The following ROBO2 variants were observed in gnomAD, a reference collection of about 807,000 sequenced individuals.
ROBO2 encodes roundabout guidance receptor 2.
ROBO2 carries 53 observed loss-of-function variants against 160.8 expected under a neutral mutation model. The observed-to-expected ratio is 0.33, with a 90% CI of 0.26 to 0.41. ROBO2 has a LOEUF of 0.41. Among genes scored for constraint, ROBO2 ranks in the 10% least tolerant of loss-of-function variants. The pLI is 1.00. For synonymous variants in ROBO2, 664 were observed against 611.7 expected (o/e 1.09, Z -1.26); for missense variants, 1,577 against 1,722.4 (o/e 0.92, Z 1.49).
chr3:76,107,494 A>G (rs1397195445), intron 2 of ROBO2, among the ~76,000 whole-genome samples: 1 of 152,140 alleles, frequency 6.6e-6, no homozygotes, highest in African/African-American at 2.4e-5. Context: ...CCTTTGGACA[A>G]ATTCTCTTTT....
chr3:75,928,489 C>T (rs1947383057), intron 1 of ROBO2, among the ~76,000 whole-genome samples: 1 of 139,686 alleles, frequency 7.2e-6, no homozygotes, highest in Non-Finnish European at 1.6e-5. Context: ...GTATCTTGGC[C>T]AGACCATCAA....
chr3:77,398,620 C>T (rs958567751), intron 2 of ROBO2, among the ~76,000 whole-genome samples: 6 of 152,044 alleles, frequency 3.9e-5, no homozygotes, highest in South Asian at 2.1e-4. Context: ...CTCACTCTCC[C>T]GCCCTGGCTG....
chr3:76,216,385 A>G (rs1160439600), intron 2 of ROBO2, among the ~76,000 whole-genome samples: 3 of 152,186 alleles, frequency 2.0e-5, no homozygotes, highest in Non-Finnish European at 2.9e-5. Context: ...AAGAGTCAAG[A>G]CCCATCAGTG....
intron 2 of ROBO2, among the ~76,000 whole-genome samples, chr3:77,294,592 C>G (rs2061802153): frequency 6.8e-6 from 1 of 147,182 alleles, no homozygotes; most frequent in Non-Finnish European, 1.5e-5. Flanking sequence ...TAAGCTGAGG[C>G]TAGATCATCA....
intron 2 of ROBO2, among the ~76,000 whole-genome samples, chr3:76,044,990 G>C (rs544408618): frequency 3.9e-5 from 6 of 152,122 alleles, no homozygotes; most frequent in Non-Finnish European, 8.8e-5. Context: ...CAGGTGAAAC[G>C]GATGTGAGAG....
At chr3:76,103,334 G>A (rs1052098696) in intron 2 of ROBO2, among the ~76,000 whole-genome samples, 1 of 152,172 alleles carries the variant, frequency 6.6e-6, no homozygotes, top group East Asian at 1.9e-4. Context: ...GAAGATAGGA[G>A]CTGTTTCTTC....
chr3:77,625,155 G>T (rs1324532271), intron 23 of ROBO2, among the ~76,000 whole-genome samples: 1 of 151,832 alleles, frequency 6.6e-6, no homozygotes. Context: ...AGTGGAAAAG[G>T]CTAAAAAAAA....
In ROBO2 at chr3:76,859,413, G is replaced by C. The variant is rs146570056; in HGVS notation, c.110-238601G>C. The stretch of plus-strand genomic sequence containing the variant: ...ATGGCTTGGAGATGCGGGTGCTAAA[G>C]GTTTTCTGTGGTTCTGCTCTGGGCT... On this transcript the variant is annotated intron_variant, in intron 2 of 26. Transcript: ENST00000487694. 3.9e-3 allele frequency among the ~76,000 whole-genome samples: 592 copies of C among 152,220 alleles called. 3 individuals carry two copies. The highest frequency in any genetic ancestry group is 0.012 in the African/African-American group (514 of 41,530).
intron 2 of ROBO2, among the ~76,000 whole-genome samples, chr3:77,005,981 T>G (rs2149439743): frequency 6.6e-6 from 1 of 152,310 alleles, no homozygotes; most frequent in South Asian, 2.1e-4. Context: ...AATAATAACC[T>G]TCTAGTATAA....
chr3:77,049,989 T>A (rs1388382404), intron 1 of ROBO2, among the ~76,000 whole-genome samples: 1 of 152,210 alleles, frequency 6.6e-6, no homozygotes, highest in Non-Finnish European at 1.5e-5. Context: ...AGTTTATAAG[T>A]TTTTATAAAT....
rs142394079 is a variant in ROBO2 at position 76,672,720 on chromosome 3, G to A, written c.110-425294G>A. On this transcript the variant is annotated intron_variant, in intron 2 of 26. Coordinates refer to the ROBO2 transcript ENST00000487694. ...CATTTTATTCTTCAGTCACCAGTGT[G>A]CCCATCTCCGTGGCCATGAACAGTA... 2.4e-3 allele frequency among the ~76,000 whole-genome samples: 360 copies of A among 152,208 alleles called. 2 individuals carry two copies. Among genetic ancestry groups the A allele is most frequent in the Middle Eastern group, 6.8e-3 (2 of 294 alleles).
chr3:77,643,098 G>T (rs2095371387), intron 24 of ROBO2, among the ~76,000 whole-genome samples, 155 bp downstream of exon 26: 1 of 152,194 alleles, frequency 6.6e-6, no homozygotes, highest in South Asian at 2.1e-4. Flanking sequence ...ACCAGTACAT[G>T]CCTTAAGGCT....
At chr3:75,937,401 G>C (rs1267962267) in intron 1 of ROBO2, 12 of 653,800 alleles carry the variant, frequency 1.8e-5, no homozygotes, top group Non-Finnish European at 2.6e-5. Flanking sequence ...ATGCATATTA[G>C]ATATGGGATT....
intron 4 of ROBO2, among the ~76,000 whole-genome samples, chr3:77,484,694 C>A (rs1035398388): frequency 1.3e-5 from 2 of 151,960 alleles, no homozygotes; most frequent in Non-Finnish European, 2.9e-5. Flanking sequence ...ATTTGGCCCA[C>A]TTATAGCTCC....
At chr3:76,279,253 T>C (rs1708103238) in intron 2 of ROBO2, among the ~76,000 whole-genome samples, 1 of 151,688 alleles carries the variant, frequency 6.6e-6, no homozygotes, top group African/African-American at 2.4e-5. Flanking sequence ...AGATAAACTT[T>C]AGGTAAGATT....
intron 2 of ROBO2, among the ~76,000 whole-genome samples, chr3:77,302,272 G>C (rs1261606585): frequency 2.6e-5 from 4 of 151,902 alleles, no homozygotes; most frequent in Non-Finnish European, 5.9e-5. Context: ...TAAAAAAAAA[G>C]ATATTAATCG....
At chr3:76,079,113 A>C (rs1201853040) in intron 2 of ROBO2, among the ~76,000 whole-genome samples, 1 of 152,176 alleles carries the variant, frequency 6.6e-6, no homozygotes. Flanking sequence ...GATCTTATAG[A>C]TATAGGAAAA....
intron 2 of ROBO2, among the ~76,000 whole-genome samples, chr3:77,186,780 A>G (rs1306347166): frequency 6.6e-6 from 1 of 151,886 alleles, no homozygotes; most frequent in Non-Finnish European, 1.5e-5. Context: ...CCTTTCTACT[A>G]TTACCATCTT....
chr3:77,619,551 C>A (rs1041648357), intron 22 of ROBO2, among the ~76,000 whole-genome samples: 1 of 152,168 alleles, frequency 6.6e-6, no homozygotes, highest in South Asian at 2.1e-4. Flanking sequence ...ACATTACACA[C>A]CATGGAGAAT....
Sources: allele counts gnomAD v4.1 joint callset (sites outside exome capture counted in the v4.1 genomes callset), GRCh38; gene constraint gnomAD v4.1.1; transcripts MANE v1.5; gene names NCBI Gene and HGNC (gene_info 2026-07-23, HGNC 2026-07-21).